GPR157: variants seen among roughly 807,000 people sequenced by gnomAD.
GPR157 encodes G-protein coupled receptor 157.
A neutral mutation model predicts 23.5 loss-of-function variants in GPR157; 16 were observed. The observed-to-expected ratio is 0.68, with a 90% CI of 0.46 to 1.04. GPR157 has a LOEUF of 1.04. Ranked by LOEUF, GPR157 falls within the 50% of genes least tolerant of loss-of-function variation. GPR157 has a pLI of 0.00. For missense variants in GPR157, 440 were observed against 460.7 expected (o/e 0.96, Z 0.41); for synonymous variants, 200 against 221.5 (o/e 0.90, Z 0.86).
rs1642563016 is a variant in GPR157, at chr1:9,101,263, C to G, written c.*3156G>C. 6.6e-6 allele frequency: 1 copy of G among 151,466 alleles called. No individual in the cohort carries two copies. Among genetic ancestry groups the G allele is most frequent in the African/African-American group, 2.4e-5 (1 of 41,134 alleles). The allele number at this position is 151,466 out of a possible 1,614,324, so 9.4% of individuals were successfully genotyped here. A position where few individuals can be genotyped will look rare whatever the true frequency, so the allele number is the denominator to read the frequency against. ...TAGAAACAGGGTTTCACCATGTTGG[C>G]CAGGCTGGTCTCAAACTCCTGACCT... On this transcript the variant is annotated 3_prime_UTR_variant, in exon 4 of 4. Coordinates refer to ENST00000377411, the MANE Select transcript of GPR157 (RefSeq NM_024980.5).
At chr1:9,110,766 C>T (rs190535959) in intron 2 of GPR157, among the ~76,000 whole-genome samples, 4 of 152,250 alleles carry the variant, frequency 2.6e-5, no homozygotes, top group Admixed American at 2.6e-4. Context: ...TCTGGAAACC[C>T]CTGCCATTTA....
At chr1:9,123,670 TAATATTA>T (rs1209688198) in intron 1 of GPR157, among the ~76,000 whole-genome samples, 2 of 116,760 alleles carry the variant, frequency 1.7e-5, no homozygotes, top group African/African-American at 6.9e-5. Context: ...AATATATATT[TAATATTA>T]AATATATATT....
chr1:9,125,618 C>T (rs891070365), intron 1 of GPR157, among the ~76,000 whole-genome samples: 5 of 152,132 alleles, frequency 3.3e-5, no homozygotes, highest in African/African-American at 7.2e-5. Flanking sequence ...TCTGTCACTT[C>T]GCATTGAATC....
intron 1 of GPR157, among the ~76,000 whole-genome samples, chr1:9,126,939 C>T (rs1365524837): frequency 6.6e-6 from 1 of 150,518 alleles, no homozygotes; most frequent in Non-Finnish European, 1.5e-5. Context: ...GAGGGTGTTG[C>T]TCTGTCTGCA....
At chr1:9,119,980 C>T (rs1240178903) in intron 1 of GPR157, among the ~76,000 whole-genome samples, 1 of 152,188 alleles carries the variant, frequency 6.6e-6, no homozygotes, top group East Asian at 1.9e-4. Context: ...CCCTGCCCTT[C>T]AGAGCGGGTC....
At chr1:9,123,594 TGTATATTTA>T (rs1638887359) in intron 1 of GPR157, among the ~76,000 whole-genome samples, 1 of 110,548 alleles carries the variant, frequency 9.0e-6, no homozygotes, top group Admixed American at 1.1e-4. Flanking sequence ...TTAATATTAA[TGTATATTTA>T]ATATATATTT....
At chr1:9,107,075 C>G (rs1240972474) in intron 2 of GPR157, among the ~76,000 whole-genome samples, 1 of 152,210 alleles carries the variant, frequency 6.6e-6, no homozygotes, top group African/African-American at 2.4e-5. Flanking sequence ...GTTTGTCTCA[C>G]CCTCAGTCCC....
chr1:9,126,745 A>C (rs998568113), intron 1 of GPR157, among the ~76,000 whole-genome samples: 3 of 152,212 alleles, frequency 2.0e-5, no homozygotes, highest in Non-Finnish European at 4.4e-5. Flanking sequence ...AGACTAGCGA[A>C]GTCTGAGTGC....
In GPR157 at chr1:9,100,360, CCA is replaced by C. The variant is rs1642551745; in HGVS notation, c.*4057_*4058del. 6.6e-6 allele frequency: 1 copy of C among 152,186 alleles called. No homozygotes were observed. Among genetic ancestry groups the C allele is most frequent in the South Asian group, 2.1e-4 (1 of 4,824 alleles). 9.4% of individuals were successfully genotyped at this position (152,186 alleles called of 1,614,324 possible). A position where few individuals can be genotyped will look rare whatever the true frequency, so the allele number is the denominator to read the frequency against. On this transcript the variant is annotated 3_prime_UTR_variant, in exon 4 of 4. Coordinates refer to ENST00000377411, the MANE Select transcript of GPR157 (RefSeq NM_024980.5). ...AAAACAGCAAGACTTCAGCTTCCAC[CCA>C]GTCAGGGCTTGCATTACAATTTTGC...
chr1:9,107,071 C>T (rs1195071692), intron 2 of GPR157, among the ~76,000 whole-genome samples: 1 of 152,204 alleles, frequency 6.6e-6, no homozygotes, highest in Non-Finnish European at 1.5e-5. Context: ...CACAGTTTGT[C>T]TCACCCTCAG....
Position 9,128,349 on chromosome 1 carries a change from T to G in GPR157, c.383+296A>C. ...GAAGCAGGTCACAAGGGGCTCAGAGTGTCCTCCCCAGCCCCGTCCAAGGAA... is the reference window on the plus strand; with the variant it reads ...GAAGCAGGTCACAAGGGGCTCAGAGGGTCCTCCCCAGCCCCGTCCAAGGAA... On this transcript the variant is annotated intron_variant, in intron 1 of 3. Transcript: ENST00000377411. The surrounding 1 kb of genome is among the most constrained non-coding windows in gnomAD (Gnocchi z 6.3). The G allele has an allele frequency of 1.5e-6, 1 of 651,384 alleles. No homozygotes were observed. The highest frequency in any genetic ancestry group is 3.1e-5 in the East Asian group (1 of 32,662). 40.4% of individuals were successfully genotyped at this position (651,384 alleles called of 1,614,324 possible). A position where few individuals can be genotyped will look rare whatever the true frequency, so the allele number is the denominator to read the frequency against.
At chr1:9,116,006 A>T (rs1260537758) in intron 1 of GPR157, among the ~76,000 whole-genome samples, 2 of 145,976 alleles carry the variant, frequency 1.4e-5, no homozygotes, top group Non-Finnish European at 3.0e-5. Flanking sequence ...TGCTCTACAC[A>T]ATCAACAAAG....
At chr1:9,111,235 C>T (rs368308188) in intron 2 of GPR157, 41 bp downstream of exon 2, 11 of 1,579,240 alleles carry the variant, frequency 7.0e-6, no homozygotes, top group South Asian at 1.1e-5. Flanking sequence ...CTGGGCACAG[C>T]GGCCATGCAG....
intron 1 of GPR157, among the ~76,000 whole-genome samples, chr1:9,116,317 A>AATT (rs1638668745): frequency 4.6e-5 from 1 of 21,540 alleles, no homozygotes; most frequent in South Asian, 1.5e-3. Flanking sequence ...TATTATATAT[A>AATT]ATATATATAA....
Position 9,123,346 on chromosome 1 carries a change from ATAT to A in GPR157, c.383+5296_383+5298del, listed in dbSNP as rs1272182390. Among the ~76,000 whole-genome samples, 13 of 32,954 alleles carry A rather than the reference ATAT, an allele frequency of 3.9e-4. No homozygotes were observed. The East Asian group carries it at 8.8e-3, about 22-fold the overall frequency. The allele number at this position is 32,954 out of a possible 152,430, so 21.6% of individuals were successfully genotyped here. On this transcript the variant is annotated intron_variant, in intron 1 of 3. Coordinates refer to ENST00000377411, the MANE Select transcript of GPR157 (RefSeq NM_024980.5). ...ATATATATATTTAATTTAAATATAT[ATAT>A]TTAATTTAAATATATATTTAAATTA...
At chr1:9,116,261 T>C (rs1638658298) in intron 1 of GPR157, among the ~76,000 whole-genome samples, 1 of 50,270 alleles carries the variant, frequency 2.0e-5, no homozygotes, top group Non-Finnish European at 3.1e-5. Flanking sequence ...ATATATATTA[T>C]ATATAATATA....
intron 2 of GPR157, among the ~76,000 whole-genome samples, chr1:9,110,765 C>T (rs1638467008): frequency 6.6e-6 from 1 of 152,156 alleles, no homozygotes; most frequent in Non-Finnish European, 1.5e-5. Context: ...TTCTGGAAAC[C>T]CCTGCCATTT....
rs1394618214 is a variant in GPR157 at position 9,103,116 on chromosome 1, A to AAC, written c.*1302_*1303insGT. 3 of 151,418 alleles carry AAC rather than the reference A, an allele frequency of 2.0e-5. No homozygotes were observed. Among genetic ancestry groups the AAC allele is most frequent in the Non-Finnish European group, 4.4e-5 (3 of 67,852 alleles). The allele number at this position is 151,418 out of a possible 1,614,324, so 9.4% of individuals were successfully genotyped here. ...GAGGCTCCTTTTTTAAAAAAAAAAA[A>AAC]AAAAAAAAACTGACTCTGAAGCTTA... On this transcript the variant is annotated 3_prime_UTR_variant, in exon 4 of 4. Transcript: ENST00000377411.
chr1:9,123,751 TATTTA>T (rs1350459216), intron 1 of GPR157, among the ~76,000 whole-genome samples: 1 of 129,988 alleles, frequency 7.7e-6, no homozygotes, highest in African/African-American at 2.9e-5. Flanking sequence ...TAATATTATA[TATTTA>T]ATATTATATA....
Sources: gnomAD v4.1 joint callset for allele counts (sites outside exome capture counted in the v4.1 genomes callset) on GRCh38, gnomAD v4.1.1 for gene constraint, Gnocchi (gnomAD v3.1) non-coding constraint, MANE v1.5 for transcripts, NCBI Gene and HGNC (gene_info 2026-07-23, HGNC 2026-07-21) for gene names.